Variants in VPS54 observed in about 807,000 individuals in gnomAD.
VPS54 encodes the protein VPS54 subunit of GARP complex.
A neutral mutation model predicts 121.5 loss-of-function variants in VPS54; 45 were observed. The observed-to-expected ratio is 0.37, with a 90% CI of 0.29 to 0.47. The LOEUF is 0.47. VPS54 is among the 20% of genes least tolerant of loss of function. The pLI is 0.99. For missense variants in VPS54, 1,090 were observed against 1,131.4 expected (o/e 0.96, Z 0.52); for synonymous variants, 371 against 385.8 (o/e 0.96, Z 0.45).
At chr2:64,018,597 A>C (rs928688686) in intron 1 of VPS54, among the ~76,000 whole-genome samples, 4 of 151,880 alleles carry the variant, frequency 2.6e-5, no homozygotes, top group African/African-American at 9.7e-5. Context: ...AAAGAAAAGG[A>C]AAGTTTGGGG....
At chr2:63,998,510 A>AC (rs1677716272) in intron 1 of VPS54, among the ~76,000 whole-genome samples, 2 of 151,412 alleles carry the variant, frequency 1.3e-5, no homozygotes, top group Non-Finnish European at 2.9e-5. Context: ...AGTAAAGGTG[A>AC]TTTTTTTCTG....
chr2:63,920,383 A>C, intron 14 of VPS54, 63 bp downstream of exon 14: 1 of 1,353,882 alleles, frequency 7.4e-7, no homozygotes, highest in South Asian at 2.3e-5. Context: ...TCTTTTAAAC[A>C]TAACTGTGTT....
intron 12 of VPS54, among the ~76,000 whole-genome samples, chr2:63,924,096 GTA>G (rs1673780823): frequency 6.6e-6 from 1 of 152,212 alleles, no homozygotes; most frequent in Non-Finnish European, 1.5e-5. Flanking sequence ...AAGGTTCAAT[GTA>G]TAAAGTGAGC....
In VPS54 at chr2:63,985,680, T is replaced by C. The variant is rs532401606; in HGVS notation, c.-20-1661A>G. Among the ~76,000 whole-genome samples, 802 of 145,034 alleles carry C rather than the reference T, an allele frequency of 5.5e-3. 10 individuals are homozygous for C. Among genetic ancestry groups the C allele is most frequent in the African/African-American group, 0.019 (744 of 38,618 alleles). On this transcript the variant is annotated intron_variant, in intron 1 of 22. Transcript: ENST00000272322. ...TACACTGGGAAGAAGTGACAAATTATACACACACACACACACACACACACA... is the reference window on the plus strand; with the variant it reads ...TACACTGGGAAGAAGTGACAAATTACACACACACACACACACACACACACA...
intron 1 of VPS54, among the ~76,000 whole-genome samples, chr2:63,993,247 C>A (rs770839304): frequency 6.6e-6 from 1 of 152,132 alleles, no homozygotes; most frequent in Non-Finnish European, 1.5e-5. Context: ...TTTTGGGTAA[C>A]ATTAATTATT....
intron 4 of VPS54, among the ~76,000 whole-genome samples, chr2:63,971,158 C>G (rs1056038303): frequency 6.6e-6 from 1 of 152,210 alleles, no homozygotes; most frequent in African/African-American, 2.4e-5. Context: ...AAACCTGTGT[C>G]TCAATCTCTG....
At chr2:63,935,114 T>C (rs895042351) in intron 11 of VPS54, among the ~76,000 whole-genome samples, 5 of 152,092 alleles carry the variant, frequency 3.3e-5, no homozygotes, top group African/African-American at 9.7e-5. Flanking sequence ...GAAGAGAGAA[T>C]TGCAAAGAAA....
intron 1 of VPS54, among the ~76,000 whole-genome samples, chr2:64,014,066 G>A (rs1437123652): frequency 6.7e-6 from 1 of 149,344 alleles, no homozygotes; most frequent in Non-Finnish European, 1.5e-5. Flanking sequence ...TGACACGCCA[G>A]AAAGATGAAA....
chr2:63,977,207 T>C (rs1239129426), intron 3 of VPS54, among the ~76,000 whole-genome samples: 5 of 152,242 alleles, frequency 3.3e-5, no homozygotes, highest in Admixed American at 3.3e-4. Flanking sequence ...TTGTTGATTT[T>C]CTCTACTGAT....
chr2:63,922,612 TAA>T (rs1320202276), intron 12 of VPS54, among the ~76,000 whole-genome samples: 2 of 152,198 alleles, frequency 1.3e-5, no homozygotes, highest in African/African-American at 4.8e-5. Context: ...CTTAGAAAGT[TAA>T]AGTGACCTAT....
intron 1 of VPS54, among the ~76,000 whole-genome samples, chr2:64,014,713 G>A (rs1158134782): frequency 9.3e-6 from 1 of 107,664 alleles, no homozygotes; most frequent in Non-Finnish European, 2.4e-5. Context: ...GTATATTATA[G>A]TTGACACTGC....
intron 1 of VPS54, among the ~76,000 whole-genome samples, chr2:63,996,389 G>A (rs60715459): frequency 0.015 from 2,222 of 152,112 alleles, 58 homozygotes; most frequent in African/African-American, 0.05. Flanking sequence ...ATCCTTATAA[G>A]CTGAGGATGT....
intron 7 of VPS54, among the ~76,000 whole-genome samples, chr2:63,950,774 C>A (rs1006356609): frequency 6.6e-6 from 1 of 152,074 alleles, no homozygotes; most frequent in Non-Finnish European, 1.5e-5. Context: ...AATAAATGTT[C>A]TTTGTGGCTT....
chr2:63,957,116 G>C lies in VPS54; in HGVS notation c.1010+4942C>G, dbSNP rs539745315. Among the ~76,000 whole-genome samples the C allele has an allele frequency of 1.1e-4, 16 of 152,100 alleles. No individual in the cohort carries two copies. The East Asian group carries it at 2.1e-3, about 20-fold the overall frequency. Reference sequence around the variant, plus strand: ...TTATCATTTTTATTGGTAATAGATAGCAAAATTTCATTTCACATGTAATGG... The same window carrying C: ...TTATCATTTTTATTGGTAATAGATACCAAAATTTCATTTCACATGTAATGG... On this transcript the variant is annotated intron_variant, in intron 7 of 22. Coordinates refer to ENST00000272322, the MANE Select transcript of VPS54 (RefSeq NM_016516.3).
At chr2:63,970,470 C>T (rs1676232335) in intron 4 of VPS54, among the ~76,000 whole-genome samples, 1 of 151,718 alleles carries the variant, frequency 6.6e-6, no homozygotes, top group South Asian at 2.1e-4. Flanking sequence ...TATCTCAAAT[C>T]TTCTAGTGAC....
intron 20 of VPS54, among the ~76,000 whole-genome samples, chr2:63,900,736 TATC>T (rs1307041044): frequency 6.6e-6 from 1 of 151,672 alleles, no homozygotes; most frequent in Non-Finnish European, 1.5e-5. Context: ...GGACAGGCCA[TATC>T]ATCTCAAATC....
rs368165692 is a variant in VPS54, at chr2:63,994,979, G to A, written c.-20-10960C>T. On this transcript the variant is annotated intron_variant, in intron 1 of 22. Coordinates refer to ENST00000272322, the MANE Select transcript of VPS54 (RefSeq NM_016516.3). The stretch of plus-strand genomic sequence containing the variant: ...ATCATCATTCTACTTTGCATAGGAG[G>A]TTCAGCTCATTCTTTTCCTTAAAAT... Among the ~76,000 whole-genome samples the A allele has an allele frequency of 2.4e-4, 37 of 152,250 alleles. No individual in the cohort carries two copies. The East Asian group carries it at 5.0e-3, about 21-fold the overall frequency.
intron 1 of VPS54, among the ~76,000 whole-genome samples, chr2:64,017,064 CGGGGCG>C (rs1259944445): frequency 1.4e-5 from 2 of 141,752 alleles, no homozygotes; most frequent in Non-Finnish European, 3.0e-5. Flanking sequence ...GGGCCGGGGC[CGGGGCG>C]GTGGCTCACA....
chr2:64,013,633 A>G (rs1414702676), intron 1 of VPS54, among the ~76,000 whole-genome samples: 2 of 145,522 alleles, frequency 1.4e-5, no homozygotes, highest in South Asian at 2.1e-4. Context: ...TTTATATATA[A>G]ATATATATCA....
Sources: allele counts gnomAD v4.1 joint callset (sites outside exome capture counted in the v4.1 genomes callset), GRCh38; gene constraint gnomAD v4.1.1; transcripts MANE v1.5; gene names NCBI Gene and HGNC (gene_info 2026-07-23, HGNC 2026-07-21).